AFDN: variants seen among roughly 807,000 people sequenced by gnomAD.
AFDN encodes afadin.
In AFDN, 68 loss-of-function variants were observed where a neutral mutation model predicts 216.6. The ratio of observed to expected loss-of-function variants is 0.31; its 90% CI spans 0.26 to 0.38. The LOEUF (loss-of-function observed/expected upper bound fraction) is 0.38. Ranked by LOEUF, AFDN falls within the 10% of genes least tolerant of loss-of-function variation. AFDN has a pLI of 1.00. For missense variants in AFDN, 2,136 were observed against 2,342.0 expected, an observed-to-expected ratio of 0.91 and a Z score of 1.82; for synonymous variants, 868 against 853.7, an observed-to-expected ratio of 1.02 and a Z score of -0.29.
chr6:167,856,788 T>A (rs780002850), intron 1 of AFDN, among the ~76,000 whole-genome samples: 17 of 152,208 alleles, frequency 1.1e-4, no homozygotes, highest in Non-Finnish European at 1.9e-4. Flanking sequence ...AAACTTTCAA[T>A]TTGTGAAAAA....
chr6:167,838,000 G>C (rs1011224183), intron 1 of AFDN, among the ~76,000 whole-genome samples: 1 of 152,132 alleles, frequency 6.6e-6, no homozygotes, highest in Non-Finnish European at 1.5e-5. Context: ...ATAAATACAT[G>C]ATGTATTGAT....
chr6:167,880,444 A>G lies in AFDN; in HGVS notation c.824A>G (p.Asp275Gly). 1 of 1,613,926 alleles carries G rather than the reference A, an allele frequency of 6.2e-7. No homozygotes were observed. The highest frequency in any genetic ancestry group is 8.5e-7 in the Non-Finnish European group (1 of 1,179,816). ...TILLSTTDPA[D>G]FAVAEALEKY... Reference sequence around the variant, plus strand: ...CTGCTGTCTACTACAGATCCTGCAGACTTTGCTGTGGCTGAAGCTTTAGAG... The same window carrying G: ...CTGCTGTCTACTACAGATCCTGCAGGCTTTGCTGTGGCTGAAGCTTTAGAG... The change falls in exon 6 of 34, where the codon GAC becomes GGC. Residue 275 changes from aspartate to glycine, a missense_variant. Physicochemically the swap from Asp to Gly is moderately conservative, Grantham distance 94. Around this residue, in one of 8 missense-constraint regions of AFDN, gnomAD observed 817 missense variants for 965.7 expected, o/e 0.85. Coordinates refer to ENST00000683244, the MANE Select transcript of AFDN (RefSeq NM_001386888.1).
rs1488232946 is a variant in AFDN, at chr6:167,907,168, T to C, written c.1651-3T>C. ...AAACCCGTTGTGCTTTCTCTCCATG[T>C]AGAGCACCACTAGGCTGGACAGCGA... On this transcript the variant is annotated splice_region_variant and splice_polypyrimidine_tract_variant and intron_variant, in intron 12 of 33. Coordinates refer to ENST00000683244, the MANE Select transcript of AFDN (RefSeq NM_001386888.1). 6.2e-7 allele frequency: 1 copy of C among 1,612,330 alleles called. No homozygotes were observed. Among genetic ancestry groups the C allele is most frequent in the Non-Finnish European group, 8.5e-7 (1 of 1,178,662 alleles).
chr6:167,862,047 A>C (rs1044649769), intron 1 of AFDN, among the ~76,000 whole-genome samples: 1 of 152,232 alleles, frequency 6.6e-6, no homozygotes, highest in Non-Finnish European at 1.5e-5. Flanking sequence ...GTAGTGTGAA[A>C]GTATTGGAAT....
At chr6:167,964,898 T>C (rs1797385639) in intron 31 of AFDN, 1 of 1,063,508 alleles carries the variant, frequency 9.4e-7, no homozygotes. Context: ...TGTCAATCTT[T>C]AACAAAACTG....
chr6:167,866,079 A>C (rs990980699), intron 2 of AFDN, among the ~76,000 whole-genome samples: 1 of 152,210 alleles, frequency 6.6e-6, no homozygotes, highest in Non-Finnish European at 1.5e-5. Context: ...TTTTGTAAAT[A>C]GGTTACAAAG....
Position 167,942,991 on chromosome 6 carries a change from T to C in AFDN, c.3100-138T>C, listed in dbSNP as rs187252919. On this transcript the variant is annotated intron_variant, in intron 23 of 33. Coordinates refer to ENST00000683244, the MANE Select transcript of AFDN (RefSeq NM_001386888.1). Reference sequence around the variant, plus strand: ...TGATTTTTCATACTTGTAATTTTCATGTAAAAATGAGAACCAGGACTTTGT... The same window carrying C: ...TGATTTTTCATACTTGTAATTTTCACGTAAAAATGAGAACCAGGACTTTGT... The C allele has an allele frequency of 3.6e-4, 216 of 594,314 alleles. 1 individual carries two copies. In the East Asian group the frequency reaches 6.1e-3, roughly 17 times the overall value. 36.8% of individuals were successfully genotyped at this position (594,314 alleles called of 1,614,324 possible).
chr6:167,918,614 G>A (rs2128484248), intron 20 of AFDN, 121 bp from the exon 21 acceptor site: 2 of 860,776 alleles, frequency 2.3e-6, no homozygotes, highest in Non-Finnish European at 3.8e-6. Context: ...CTGTCTGTGT[G>A]TGTGTGTGTG....
rs1349484875 is a variant in AFDN at position 167,843,308 on chromosome 6, C to T, written c.105+16071C>T. ...AGCAATTCCTGACCTCTTCTCCCTA[C>T]AATATGAGAAGAAAAAGTTGCTGTA... On this transcript the variant is annotated intron_variant, in intron 1 of 33. Coordinates refer to ENST00000683244, the MANE Select transcript of AFDN (RefSeq NM_001386888.1). Among the ~76,000 whole-genome samples the T allele has an allele frequency of 4.6e-5, 7 of 152,156 alleles. No individual in the cohort carries two copies. The South Asian group carries it at 1.4e-3, about 32-fold the overall frequency.
At chr6:167,943,511 G>T (rs1000954121) in intron 25 of AFDN, 36 bp downstream of exon 25, 1 of 1,519,048 alleles carries the variant, frequency 6.6e-7, no homozygotes, top group Non-Finnish European at 9.1e-7. Context: ...CATAGTATTA[G>T]CATTTTTAGG....
At chr6:167,946,295 C>T (rs1038940217) in intron 26 of AFDN, among the ~76,000 whole-genome samples, 21 of 152,204 alleles carry the variant, frequency 1.4e-4, no homozygotes, top group Non-Finnish European at 1.0e-4. Context: ...CTGACAGAAG[C>T]GGCCGCCAGG....
chr6:167,921,598 T>C (rs1791815219), intron 21 of AFDN, among the ~76,000 whole-genome samples: 1 of 152,222 alleles, frequency 6.6e-6, no homozygotes, highest in African/African-American at 2.4e-5. Context: ...TTGTCTGAGA[T>C]GCATTCCGTA....
Position 167,877,845 on chromosome 6 carries a change from C to T in AFDN, c.739+2350C>T, listed in dbSNP as rs138298967. ...ACCCCAAGGATTAGTTTCTCAAGTT[C>T]TGATGACAGAACCTGCATGTCCTCC... On this transcript the variant is annotated intron_variant, in intron 5 of 33. Coordinates refer to ENST00000683244, the MANE Select transcript of AFDN (RefSeq NM_001386888.1). 5.9e-3 allele frequency among the ~76,000 whole-genome samples: 892 copies of T among 152,202 alleles called. 18 individuals carry two copies. The highest frequency in any genetic ancestry group is 0.021 in the African/African-American group (860 of 41,518).
In AFDN at chr6:167,971,373, C is replaced by G. The variant is rs1184688511; in HGVS notation, c.*1438C>G. The G allele has an allele frequency of 4.8e-6, 1 of 207,530 alleles. No individual in the cohort carries two copies. The highest frequency in any genetic ancestry group is 9.8e-6 in the Non-Finnish European group (1 of 102,006). 12.9% of individuals were successfully genotyped at this position (207,530 alleles called of 1,614,324 possible). ...AGGTATAGGGGCTTTTTACTGCCTT[C>G]GAAATCACTTTTAATAAAAGTTGTA... On this transcript the variant is annotated 3_prime_UTR_variant, in exon 34 of 34. Coordinates refer to ENST00000683244, the MANE Select transcript of AFDN (RefSeq NM_001386888.1).
intron 30 of AFDN, among the ~76,000 whole-genome samples, chr6:167,958,764 G>A (rs879736329): frequency 2.0e-5 from 3 of 152,224 alleles, no homozygotes; most frequent in Non-Finnish European, 2.9e-5. Context: ...AGCATCCCAG[G>A]TATAGAAGGG....
intron 30 of AFDN, chr6:167,954,517 T>C: frequency 6.3e-7 from 1 of 1,599,100 alleles, no homozygotes; most frequent in South Asian, 1.1e-5. Flanking sequence ...TCTTTCCCTT[T>C]GGTACTTTTT....
At position 167,898,401 on chromosome 6, in the gene AFDN, A is replaced by G. The variant is rs1327591051; in HGVS notation, c.1514A>G (p.Asp505Gly). 1 of 1,614,094 alleles carries G rather than the reference A, an allele frequency of 6.2e-7. No individual in the cohort carries two copies. The highest frequency in any genetic ancestry group is 8.5e-7 in the Non-Finnish European group (1 of 1,180,048). ...TTTAAGTTTGTGGACCCCAGTCAGG[A>G]TCATGCTCTTGCAAAAAGATCTGTG... ...HVFKFVDPSQ[D>G]HALAKRSVDG... Residue 505 changes from aspartate (D) to glycine (G), a missense_variant, in exon 11 of 34, where the codon GAT becomes GGT. By Grantham distance (94) the Asp-to-Gly change is moderately conservative. Transcript: ENST00000683244.
At chr6:167,921,696 T>C (rs948223282) in intron 21 of AFDN, among the ~76,000 whole-genome samples, 1 of 152,072 alleles carries the variant, frequency 6.6e-6, no homozygotes, top group Non-Finnish European at 1.5e-5. Context: ...TAATTTATAA[T>C]TGTTCAGATT....
intron 3 of AFDN, 140 bp from the exon 4 acceptor site, chr6:167,872,074 C>G: frequency 1.3e-6 from 1 of 740,824 alleles, no homozygotes; most frequent in South Asian, 2.0e-5. Flanking sequence ...AAAGACCATT[C>G]TCATTACTCC....
Sources: gnomAD v4.1 joint callset for allele counts (sites outside exome capture counted in the v4.1 genomes callset) on GRCh38, gnomAD v4.1.1 for gene constraint, gnomAD v4.1.1 regional missense constraint, MANE v1.5 for transcripts, NCBI Gene and HGNC (gene_info 2026-07-23, HGNC 2026-07-21) for gene names.